Variants in ZNF33A observed in about 807,000 individuals in gnomAD.
ZNF33A encodes brain my041 protein.
ZNF33A carries 9 observed loss-of-function variants against 15.9 expected under a neutral mutation model. That is an observed-to-expected ratio of 0.57 (90% CI 0.34 to 0.99). The LOEUF is 0.99. ZNF33A is among the 50% of genes least tolerant of loss of function. ZNF33A has a pLI of 0.02. For synonymous variants in ZNF33A, 294 were observed against 324.2 expected (o/e 0.91, Z 1.00); for missense variants, 843 against 941.6 (o/e 0.90, Z 1.37).
chr10:38,054,154 T>C (rs558151743), intron 4 of ZNF33A, among the ~76,000 whole-genome samples: 1 of 152,308 alleles, frequency 6.6e-6, no homozygotes, highest in African/African-American at 2.4e-5. Flanking sequence ...TAAATTCCTC[T>C]CTGTTTTTCC....
At chr10:38,048,053 GT>G (rs1280448910) in intron 4 of ZNF33A, among the ~76,000 whole-genome samples, 1 of 152,168 alleles carries the variant, frequency 6.6e-6, no homozygotes, top group Non-Finnish European at 1.5e-5. Context: ...TCAACGTAGA[GT>G]TATATACTCA....
At chr10:38,052,979 T>C (rs2066277689) in intron 4 of ZNF33A, among the ~76,000 whole-genome samples, 1 of 151,570 alleles carries the variant, frequency 6.6e-6, no homozygotes, top group Non-Finnish European at 1.5e-5. Context: ...ATATATACTA[T>C]ATTATAATTT....
rs146535917 is a variant in ZNF33A, at chr10:38,051,275, G to A, written c.251-3100G>A. Among the ~76,000 whole-genome samples, 3 of 152,220 alleles carry A rather than the reference G, an allele frequency of 2.0e-5. No individual in the cohort carries two copies. The East Asian group carries it at 5.8e-4, about 29-fold the overall frequency. On this transcript the variant is annotated intron_variant, in intron 4 of 4. Coordinates refer to ENST00000432900, the MANE Select transcript of ZNF33A (RefSeq NM_006954.2). The stretch of plus-strand genomic sequence containing the variant: ...ATATTCACGAAGAATTAATTTCAGA[G>A]TACTGCTACTCCAGTCTTTATATAT...
downstream of ZNF33A, chr10:38,064,120 C>T: frequency 6.3e-7 from 1 of 1,596,090 alleles, no homozygotes; most frequent in Non-Finnish European, 8.5e-7. Flanking sequence ...TGGATTAAAC[C>T]CCTGCAGTGC....
chr10:38,060,685 T>C (rs539790392), downstream of ZNF33A, among the ~76,000 whole-genome samples: 204 of 152,278 alleles, frequency 1.3e-3, no homozygotes, highest in Non-Finnish European at 2.5e-3. Context: ...GTTACAACCA[T>C]TGGCATAAAC....
intron 2 of ZNF33A, among the ~76,000 whole-genome samples, chr10:38,015,808 A>G (rs1415509523): frequency 1.3e-5 from 2 of 152,132 alleles, no homozygotes; most frequent in African/African-American, 4.8e-5. Flanking sequence ...GCCTCCTATT[A>G]TCCGTGCCCT....
chr10:38,054,982 G>C lies in ZNF33A; in HGVS notation c.858G>C (p.Val286=), dbSNP rs761767081. The change falls in exon 5 of 5, where the codon GTG becomes GTC. Residue 286 remains valine (V), a synonymous_variant. Coordinates refer to ENST00000432900, the MANE Select transcript of ZNF33A (RefSeq NM_006954.2). ...EFSDCEKFLC[V]KSTLSKPHGV... is the part of the protein sequence containing the mutation. ...GTGATTGTGAGAAGTTCTTATGTGT[G>C]AAGTCCACCCTTTCTAAACCTCATG... is the stretch of plus-strand genomic sequence containing the variant. 1.2e-6 allele frequency: 2 copies of C among 1,614,090 alleles called. No individual in the cohort carries two copies. The highest frequency in any genetic ancestry group is 1.7e-6 in the Non-Finnish European group (2 of 1,179,972).
chr10:38,045,050 T>C (rs2065891803), intron 4 of ZNF33A, among the ~76,000 whole-genome samples: 1 of 152,190 alleles, frequency 6.6e-6, no homozygotes, highest in South Asian at 2.1e-4. Context: ...TTGCCTGTCG[T>C]TTTTCCTGTA....
intron 4 of ZNF33A, among the ~76,000 whole-genome samples, chr10:38,020,407 T>C (rs1341207765): frequency 6.6e-6 from 1 of 152,300 alleles, no homozygotes; most frequent in Middle Eastern, 3.4e-3. Flanking sequence ...AATTTGACTA[T>C]AGTGACCCTG....
chr10:38,044,442 G>A (rs544208608), intron 4 of ZNF33A, among the ~76,000 whole-genome samples: 10 of 151,604 alleles, frequency 6.6e-5, no homozygotes, highest in African/African-American at 2.2e-4. Flanking sequence ...ACTCCTGACC[G>A]CAGGTGATTC....
intron 4 of ZNF33A, among the ~76,000 whole-genome samples, chr10:38,026,974 A>G (rs1459169292): frequency 6.6e-6 from 1 of 152,192 alleles, no homozygotes; most frequent in Non-Finnish European, 1.5e-5. Context: ...ACTGAAAGAA[A>G]AGGCTTTTCT....
At chr10:38,039,528 G>C in intron 4 of ZNF33A, 1 of 455,880 alleles carries the variant, frequency 2.2e-6, no homozygotes, top group Non-Finnish European at 4.4e-6. Flanking sequence ...CATCCCACCT[G>C]TAATGGGGAG....
At chr10:38,024,395 T>A (rs1590518959) in intron 4 of ZNF33A, among the ~76,000 whole-genome samples, 1 of 152,234 alleles carries the variant, frequency 6.6e-6, no homozygotes, top group African/African-American at 2.4e-5. Context: ...TACAAAATGC[T>A]GATGAAAGAA....
chr10:38,053,427 T>G (rs145034771), intron 4 of ZNF33A, among the ~76,000 whole-genome samples: 4 of 152,180 alleles, frequency 2.6e-5, no homozygotes, highest in Admixed American at 2.0e-4. Context: ...CTTCTTCTTA[T>G]AAGGACACCA....
In ZNF33A at chr10:38,054,511, T is replaced by C. The variant is rs761376491; in HGVS notation, c.387T>C (p.Asp129=). The C allele has an allele frequency of 6.8e-6, 11 of 1,613,000 alleles. No individual in the cohort carries two copies. Among genetic ancestry groups the C allele is most frequent in the South Asian group, 3.3e-5 (3 of 90,706 alleles). ...GDVIGIPFNV[D]VSSFPSRKMF... ...TAATAGGAATACCATTTAATGTGGA[T>C]GTAAGTTCTTTTCCTTCCAGAAAAA... is the stretch of plus-strand genomic sequence containing the variant. Residue 129 remains aspartate (D), a synonymous_variant, in exon 5 of 5, where the codon GAT becomes GAC. Transcript: ENST00000432900.
At chr10:38,035,111 C>CTTTTTTTTTTTTTTTTTTTTTTTTT in intron 4 of ZNF33A, among the ~76,000 whole-genome samples, 1 of 85,772 alleles carries the variant, frequency 1.2e-5, no homozygotes, top group Non-Finnish European at 2.0e-5. Context: ...CATTTACTTT[C>CTTTTTTTTTTTTTTTTTTTTTTTTT]TTTTTTTTTT....
chr10:38,011,225 T>G (rs1277353600), intron 1 of ZNF33A, among the ~76,000 whole-genome samples: 1 of 152,244 alleles, frequency 6.6e-6, no homozygotes, highest in Non-Finnish European at 1.5e-5. Context: ...GGTCCATCAC[T>G]GCATCTTGGT....
chr10:38,046,035 C>A (rs1025729036), intron 4 of ZNF33A, among the ~76,000 whole-genome samples: 1 of 152,090 alleles, frequency 6.6e-6, no homozygotes, highest in Non-Finnish European at 1.5e-5. Context: ...TTCTCAATGA[C>A]CTAGGTGGGC....
chr10:38,012,887 A>G (rs1359969852), intron 2 of ZNF33A, among the ~76,000 whole-genome samples: 2 of 152,212 alleles, frequency 1.3e-5, no homozygotes, highest in Non-Finnish European at 2.9e-5. Context: ...AGAAAGGAAG[A>G]CACTGGATAC....
Sources: allele counts gnomAD v4.1 joint callset (sites outside exome capture counted in the v4.1 genomes callset), GRCh38; gene constraint gnomAD v4.1.1; transcripts MANE v1.5; gene names NCBI Gene and HGNC (gene_info 2026-07-23, HGNC 2026-07-21).